The following AFG3L2 variants were observed in gnomAD, a reference collection of about 807,000 sequenced individuals.
AFG3L2 encodes the protein mitochondrial inner membrane m-AAA protease component AFG3L2.
In AFG3L2, 54 loss-of-function variants were observed where a neutral mutation model predicts 94.5. That is an observed-to-expected ratio of 0.57 (90% confidence interval 0.46 to 0.72). The LOEUF is 0.72. AFG3L2 is among the 30% of genes least tolerant of loss of function. AFG3L2 has a pLI of 0.00. For missense variants in AFG3L2, 754 were observed against 994.9 expected, an observed-to-expected ratio of 0.76 and a Z score of 3.26; for synonymous variants, 377 against 365.5, an observed-to-expected ratio of 1.03 and a Z score of -0.36.
At chr18:12,365,125 C>T (rs1214162430) in intron 5 of AFG3L2, among the ~76,000 whole-genome samples, 1 of 152,218 alleles carries the variant, frequency 6.6e-6, no homozygotes, top group Admixed American at 6.5e-5. Flanking sequence ...AAAGGAGCCC[C>T]AGAGCAATCC....
rs186981770 is a variant in AFG3L2, at chr18:12,351,453, G to A, written c.1319-40C>T. The A allele has an allele frequency of 9.4e-4, 1,474 of 1,570,012 alleles. 3 individuals carry two copies. Among genetic ancestry groups the A allele is most frequent in the Admixed American group, 2.3e-3 (136 of 59,302 alleles). ...AAATGCAAACACTATTAAATGACAAGAGGCAGAAAGCAACAGTGCACCATC... is the reference window on the plus strand; with the variant it reads ...AAATGCAAACACTATTAAATGACAAAAGGCAGAAAGCAACAGTGCACCATC... On this transcript the variant is annotated intron_variant, in intron 10 of 16. Coordinates refer to ENST00000269143, the MANE Select transcript of AFG3L2 (RefSeq NM_006796.3).
chr18:12,331,860 T>TAAAA (rs1907543365), intron 16 of AFG3L2, among the ~76,000 whole-genome samples: 12 of 141,212 alleles, frequency 8.5e-5, no homozygotes, highest in African/African-American at 8.4e-5. Context: ...TATATATATA[T>TAAAA]AAAACAAGGG....
chr18:12,367,984 A>G (rs929368111), intron 3 of AFG3L2, among the ~76,000 whole-genome samples: 2 of 152,120 alleles, frequency 1.3e-5, no homozygotes, highest in Non-Finnish European at 2.9e-5. Flanking sequence ...CCTGTTCAAC[A>G]TGGAGAAACC....
intron 13 of AFG3L2, among the ~76,000 whole-genome samples, chr18:12,348,062 G>A (rs550345974): frequency 9.7e-4 from 148 of 152,318 alleles, no homozygotes; most frequent in African/African-American, 3.5e-3. Flanking sequence ...TCCATGCAGA[G>A]GGCAGGTGGC....
intron 16 of AFG3L2, among the ~76,000 whole-genome samples, chr18:12,330,169 G>A (rs1907474123): frequency 6.6e-6 from 1 of 151,952 alleles, no homozygotes; most frequent in South Asian, 2.1e-4. Flanking sequence ...TACTAAAAAT[G>A]CAAAAAAATA....
chr18:12,333,125 TATATATATA>T lies in AFG3L2; in HGVS notation c.2176-3351_2176-3343del, dbSNP rs1208102421. Among the ~76,000 whole-genome samples the T allele has an allele frequency of 5.1e-4, 29 of 57,340 alleles. 1 individual carries two copies. Among genetic ancestry groups the T allele is most frequent in the African/African-American group, 8.6e-4 (17 of 19,838 alleles). 37.6% of individuals were successfully genotyped at this position (57,340 alleles called of 152,430 possible). A position where few individuals can be genotyped will look rare whatever the true frequency, so the allele number is the denominator to read the frequency against. On this transcript the variant is annotated intron_variant, in intron 16 of 16. Transcript: ENST00000269143. ...ATTATATAACTATTATATAATAGAT[TATATATATA>T]ATATATATAATATATAATAATCTAA...
intron 16 of AFG3L2, among the ~76,000 whole-genome samples, chr18:12,335,197 A>T (rs960160829): frequency 2.6e-5 from 4 of 152,342 alleles, no homozygotes; most frequent in African/African-American, 9.6e-5. Flanking sequence ...TTAACAGCTT[A>T]TCTCACAGGA....
intron 16 of AFG3L2, among the ~76,000 whole-genome samples, chr18:12,332,679 TATA>T (rs1394705977): frequency 1.1e-5 from 1 of 94,778 alleles, no homozygotes. Flanking sequence ...CATATATATA[TATA>T]TATTTTTTGT....
At chr18:12,359,574 AC>A (rs201333534) in intron 7 of AFG3L2, among the ~76,000 whole-genome samples, 2,153 of 152,230 alleles carry the variant, frequency 0.014, 41 homozygotes, top group African/African-American at 0.049. Context: ...CCCTGCCTCT[AC>A]TAGAAATACA....
intron 10 of AFG3L2, among the ~76,000 whole-genome samples, chr18:12,352,212 G>A (rs138271037): frequency 2.0e-5 from 3 of 152,114 alleles, no homozygotes; most frequent in Non-Finnish European, 4.4e-5. Flanking sequence ...ACCCTGGCAC[G>A]GCAGGAGCTC....
chr18:12,339,125 G>A (rs569097493), intron 15 of AFG3L2, among the ~76,000 whole-genome samples: 337 of 150,308 alleles, frequency 2.2e-3, no homozygotes, highest in Admixed American at 4.4e-3. Flanking sequence ...GTGGTGGCGG[G>A]CACTACTTGG....
chr18:12,342,438 C>G (rs1907983167), intron 14 of AFG3L2: 1 of 152,168 alleles, frequency 6.6e-6, no homozygotes, highest in African/African-American at 2.4e-5. Flanking sequence ...TTTACAGGTT[C>G]TAGAAATAAG....
intron 5 of AFG3L2, among the ~76,000 whole-genome samples, chr18:12,366,405 C>A (rs970708589): frequency 6.6e-6 from 1 of 152,214 alleles, no homozygotes; most frequent in Non-Finnish European, 1.5e-5. Context: ...GCAAGCCCAG[C>A]AGACAGTAAC....
At chr18:12,351,656 C>T (rs909864687) in intron 10 of AFG3L2, among the ~76,000 whole-genome samples, 3 of 151,762 alleles carry the variant, frequency 2.0e-5, no homozygotes, top group Admixed American at 1.3e-4. Context: ...AAGCAATTCT[C>T]CTGCCTCAGC....
chr18:12,346,153 C>T (rs982074732), intron 13 of AFG3L2, among the ~76,000 whole-genome samples: 2 of 152,296 alleles, frequency 1.3e-5, no homozygotes, highest in Non-Finnish European at 2.9e-5. Context: ...ACATCTTCCT[C>T]GCTTGTCTGC....
intron 1 of AFG3L2, among the ~76,000 whole-genome samples, chr18:12,373,731 G>A (rs893784556): frequency 1.3e-5 from 2 of 152,076 alleles, no homozygotes; most frequent in Admixed American, 1.3e-4. Flanking sequence ...ATCAAAACAC[G>A]GTGGGAGAAG....
At chr18:12,355,142 G>C (rs1378472534) in intron 9 of AFG3L2, among the ~76,000 whole-genome samples, 1 of 151,434 alleles carries the variant, frequency 6.6e-6, no homozygotes, top group East Asian at 1.9e-4. Context: ...TTGAACCCGG[G>C]AGGCAGAGGT....
chr18:12,367,009 T>C lies in AFG3L2; in HGVS notation c.508A>G (p.Ile170Val). Residue 170 changes from isoleucine to valine, a missense_variant, in exon 5 of 17, where the codon ATC (isoleucine) becomes GTC (valine). This residue lies in a region of AFG3L2 where 130 missense variants were observed against 175.1 expected (regional missense o/e 0.74). Coordinates refer to ENST00000269143, the MANE Select transcript of AFG3L2 (RefSeq NM_006796.3). ...YLLLKRSGRE[I>V]TWKDFVNNYL... is the part of the protein sequence containing the mutation. The stretch of plus-strand genomic sequence containing the variant: ...TTATTGACAAAGTCCTTCCAAGTGA[T>C]TTCTCTCCCGGATCTCTTGAGCAGC... 1.2e-6 allele frequency: 2 copies of C among 1,614,204 alleles called. No individual in the cohort carries two copies. The highest frequency in any genetic ancestry group is 2.2e-5 in the South Asian group (2 of 91,086).
intron 3 of AFG3L2, among the ~76,000 whole-genome samples, chr18:12,368,880 C>T (rs1158358558): frequency 1.3e-5 from 2 of 152,116 alleles, no homozygotes; most frequent in Admixed American, 6.5e-5. Flanking sequence ...GGATTACAGG[C>T]GTTGAGCCAC....
Sources: gnomAD v4.1 joint callset for allele counts (sites outside exome capture counted in the v4.1 genomes callset) on GRCh38, gnomAD v4.1.1 for gene constraint, gnomAD v4.1.1 regional missense constraint, MANE v1.5 for transcripts, NCBI Gene and HGNC (gene_info 2026-07-23, HGNC 2026-07-21) for gene names.